Variants in MLLT3 observed in about 807,000 individuals in gnomAD.
MLLT3 encodes the protein MLLT3 super elongation complex subunit, also known as protein AF-9.
In MLLT3, 4 loss-of-function variants were observed where a neutral mutation model predicts 53.2. The ratio of observed to expected loss-of-function variants is 0.08; its 90% CI spans 0.04 to 0.17. The LOEUF (loss-of-function observed/expected upper bound fraction) is 0.17. Among genes scored for constraint, MLLT3 ranks in the 10% least tolerant of loss-of-function variants. The probability of loss-of-function intolerance (pLI) is 1.00; values close to 1 mark genes in which losing one functional copy is unlikely to be tolerated. For synonymous variants in MLLT3, 283 were observed against 230.6 expected, an observed-to-expected ratio of 1.23 and a Z score of -2.06; for missense variants, 569 against 684.0, an observed-to-expected ratio of 0.83 and a Z score of 1.87.
chr9:20,554,137 T>C (rs773619428), intron 2 of MLLT3, among the ~76,000 whole-genome samples: 3 of 152,192 alleles, frequency 2.0e-5, no homozygotes, highest in Non-Finnish European at 2.9e-5. Flanking sequence ...TGGATCACAC[T>C]TTCTGCCTAA....
At chr9:20,456,268 A>G (rs757636437) in intron 3 of MLLT3, among the ~76,000 whole-genome samples, 1 of 152,118 alleles carries the variant, frequency 6.6e-6, no homozygotes, top group Non-Finnish European at 1.5e-5. Context: ...TAAAATCCAT[A>G]TATCTGAAGT....
chr9:20,345,146 CA>C lies in MLLT3; in HGVS notation c.*1296del. On this transcript the variant is annotated 3_prime_UTR_variant, in exon 11 of 11. Transcript: ENST00000380338. ...TTTCAAAACAAGGGTACAACAAGAA[CA>C]AAAAAATCCCCCCATCCCCAACCGT... is the stretch of plus-strand genomic sequence containing the variant. 8.9e-6 allele frequency: 2 copies of C among 224,070 alleles called. No individual in the cohort carries two copies. 13.9% of individuals were successfully genotyped at this position (224,070 alleles called of 1,614,324 possible). A position where few individuals can be genotyped will look rare whatever the true frequency, so the allele number is the denominator to read the frequency against.
intron 5 of MLLT3, among the ~76,000 whole-genome samples, chr9:20,393,210 T>C (rs1258989936): frequency 6.6e-6 from 1 of 152,092 alleles, no homozygotes; most frequent in African/African-American, 2.4e-5. Context: ...GTCAACCTTA[T>C]AAAAAATAAA....
At chr9:20,392,101 G>A (rs1371804444) in intron 5 of MLLT3, among the ~76,000 whole-genome samples, 3 of 152,044 alleles carry the variant, frequency 2.0e-5, no homozygotes, top group African/African-American at 7.2e-5. Context: ...TTGCTTATCC[G>A]AGGCCTCCTG....
intron 2 of MLLT3, among the ~76,000 whole-genome samples, chr9:20,600,723 T>A (rs930128303): frequency 2.8e-4 from 42 of 152,332 alleles, no homozygotes; most frequent in African/African-American, 9.4e-4. Context: ...ACTGACTGCC[T>A]GAACACCCAA....
chr9:20,519,839 A>C (rs1342640859), intron 2 of MLLT3, among the ~76,000 whole-genome samples: 1 of 152,220 alleles, frequency 6.6e-6, no homozygotes, highest in Admixed American at 6.5e-5. Flanking sequence ...CAGCAATTTC[A>C]TTACTAGGTA....
intron 2 of MLLT3, among the ~76,000 whole-genome samples, chr9:20,573,912 A>G (rs1819592216): frequency 6.6e-6 from 1 of 152,240 alleles, no homozygotes; most frequent in African/African-American, 2.4e-5. Flanking sequence ...GCTCAAAAAT[A>G]AAATTCTGTT....
In MLLT3 at chr9:20,502,673, GGTTATA is replaced by G. The variant is rs145103151; in HGVS notation, c.194-45893_194-45888del. 1.4e-3 allele frequency among the ~76,000 whole-genome samples: 207 copies of G among 152,284 alleles called. 1 individual carries two copies. Among genetic ancestry groups the G allele is most frequent in the Middle Eastern group, 6.8e-3 (2 of 294 alleles). ...TGTAGTATACAGGAGAATGTGCATA[GGTTATA>G]TGCAAATACTATGCTATTTTATATC... On this transcript the variant is annotated intron_variant, in intron 2 of 10. Transcript: ENST00000380338.
intron 2 of MLLT3, among the ~76,000 whole-genome samples, chr9:20,530,940 C>T (rs2118995174): frequency 6.6e-6 from 1 of 152,078 alleles, no homozygotes; most frequent in African/African-American, 2.4e-5. Context: ...GCTGCTTGTA[C>T]ATTTTGAGCA....
chr9:20,463,697 A>T (rs1824167745), intron 2 of MLLT3, among the ~76,000 whole-genome samples: 1 of 152,208 alleles, frequency 6.6e-6, no homozygotes, highest in South Asian at 2.1e-4. Flanking sequence ...GAAAAACTGT[A>T]TCTTCAGAGA....
At chr9:20,380,641 A>T (rs115914718) in intron 5 of MLLT3, among the ~76,000 whole-genome samples, 180 of 152,126 alleles carry the variant, frequency 1.2e-3, no homozygotes, top group African/African-American at 4.0e-3. Context: ...TATGTAGTAA[A>T]GGCTGCTTAT....
chr9:20,346,658 T>C, intron 10 of MLLT3, 84 bp from the exon 11 acceptor site: 1 of 1,319,426 alleles, frequency 7.6e-7, no homozygotes. Context: ...GGCGATCAAA[T>C]ATGGAATCAA....
chr9:20,571,626 T>C (rs1563823706), intron 2 of MLLT3, among the ~76,000 whole-genome samples: 1 of 152,138 alleles, frequency 6.6e-6, no homozygotes, highest in Non-Finnish European at 1.5e-5. Context: ...GTGTGTGATG[T>C]TCCCCATCCC....
chr9:20,394,653 T>C (rs1822272300), intron 5 of MLLT3, among the ~76,000 whole-genome samples: 1 of 152,148 alleles, frequency 6.6e-6, no homozygotes, highest in Non-Finnish European at 1.5e-5. Context: ...CACAGAGATA[T>C]CACCTTTTCT....
intron 3 of MLLT3, among the ~76,000 whole-genome samples, chr9:20,454,231 A>C (rs1048375490): frequency 1.3e-5 from 2 of 149,644 alleles, no homozygotes; most frequent in African/African-American, 5.0e-5. Context: ...AAGAAGACTG[A>C]AGTGTGTGTG....
chr9:20,446,658 T>C (rs978537214), intron 4 of MLLT3, among the ~76,000 whole-genome samples: 1 of 151,870 alleles, frequency 6.6e-6, no homozygotes, highest in South Asian at 2.1e-4. Context: ...ATTAAAAAAA[T>C]GAGATTGATT....
Position 20,621,694 on chromosome 9 carries a change from TG to T in MLLT3, c.12+550del. ...GCTCGCGCTCAGCACCTCCCGGCGC[TG>T]GGGCAAAGTTGCGTGCGGCCCCGCC... On this transcript the variant is annotated intron_variant, in intron 1 of 10. Transcript: ENST00000380338. The surrounding 1 kb of genome is among the most constrained non-coding windows in gnomAD (Gnocchi z 7.0). 7.1e-7 allele frequency: 1 copy of T among 1,410,700 alleles called. No individual in the cohort carries two copies. The allele number at this position is 1,410,700 out of a possible 1,614,324, so 87.4% of individuals were successfully genotyped here. A position where few individuals can be genotyped will look rare whatever the true frequency, so the allele number is the denominator to read the frequency against.
At chr9:20,550,757 TATTTA>T (rs1170072042) in intron 2 of MLLT3, among the ~76,000 whole-genome samples, 1 of 152,242 alleles carries the variant, frequency 6.6e-6, no homozygotes, top group East Asian at 1.9e-4. Flanking sequence ...TTATTTATTT[TATTTA>T]TTTAGTTTTT....
At position 20,621,703 on chromosome 9, in the gene MLLT3, G is replaced by T; in HGVS notation, c.12+542C>A. 1 of 1,451,076 alleles carries T rather than the reference G, an allele frequency of 6.9e-7. No homozygotes were observed. The highest frequency in any genetic ancestry group is 9.1e-7 in the Non-Finnish European group (1 of 1,095,372). The allele number at this position is 1,451,076 out of a possible 1,614,324, so 89.9% of individuals were successfully genotyped here. ...CAGCACCTCCCGGCGCTGGGGCAAA[G>T]TTGCGTGCGGCCCCGCCGCTGTCAG... On this transcript the variant is annotated intron_variant, in intron 1 of 10. Transcript: ENST00000380338. This position sits in a 1 kb window ranked among gnomAD's most constrained non-coding sequence, Gnocchi z 7.0.
Sources: allele counts gnomAD v4.1 joint callset (sites outside exome capture counted in the v4.1 genomes callset), GRCh38; gene constraint gnomAD v4.1.1; non-coding constraint Gnocchi (gnomAD v3.1); transcripts MANE v1.5; gene names NCBI Gene and HGNC (gene_info 2026-07-23, HGNC 2026-07-21).